IPCEF1: variants seen among roughly 807,000 people sequenced by gnomAD.
IPCEF1 encodes the protein interactor protein for cytohesin exchange factors 1.
In IPCEF1, 31 loss-of-function variants were observed where a neutral mutation model predicts 50.9. The observed-to-expected ratio is 0.61, with a 90% CI of 0.46 to 0.82. The LOEUF (loss-of-function observed/expected upper bound fraction) is 0.82. IPCEF1 is among the 40% of genes least tolerant of loss of function. The probability of loss-of-function intolerance (pLI) is 0.00; values close to 1 mark genes in which losing one functional copy is unlikely to be tolerated. For synonymous variants in IPCEF1, 181 were observed against 192.0 expected, an observed-to-expected ratio of 0.94 and a Z score of 0.47; for missense variants, 458 against 514.0, an observed-to-expected ratio of 0.89 and a Z score of 1.05.
At chr6:154,333,895 C>T (rs1177403151) in intron 1 of IPCEF1, among the ~76,000 whole-genome samples, 1 of 151,954 alleles carries the variant, frequency 6.6e-6, no homozygotes, top group Non-Finnish European at 1.5e-5. Flanking sequence ...TCTCATACAA[C>T]ATGCAAGGGC....
intron 5 of IPCEF1, among the ~76,000 whole-genome samples, chr6:154,226,972 G>A (rs539265265): frequency 5.9e-5 from 9 of 152,258 alleles, no homozygotes; most frequent in Middle Eastern, 3.4e-3. Flanking sequence ...CAAGGTGGGC[G>A]GATCACCTGA....
At chr6:154,282,548 A>G (rs1042611473) in intron 2 of IPCEF1, among the ~76,000 whole-genome samples, 6 of 152,174 alleles carry the variant, frequency 3.9e-5, no homozygotes, top group South Asian at 2.1e-4. Flanking sequence ...TTAGGCGGGC[A>G]CGGTGGCGGG....
At chr6:154,334,301 T>C (rs1295068588) in intron 1 of IPCEF1, among the ~76,000 whole-genome samples, 3 of 152,178 alleles carry the variant, frequency 2.0e-5, no homozygotes, top group African/African-American at 7.2e-5. Context: ...CTGTGAACAG[T>C]TATCACTAAC....
At chr6:154,232,590 A>C (rs911459876) in intron 5 of IPCEF1, among the ~76,000 whole-genome samples, 3 of 152,230 alleles carry the variant, frequency 2.0e-5, no homozygotes, top group Non-Finnish European at 4.4e-5. Context: ...AAGACTGAAG[A>C]AATTCTTCAG....
chr6:154,165,337 G>A (rs1341651446), intron 11 of IPCEF1, among the ~76,000 whole-genome samples: 4 of 152,062 alleles, frequency 2.6e-5, no homozygotes, highest in Non-Finnish European at 5.9e-5. Context: ...TCTCTTGACT[G>A]CTTTGAATTT....
intron 10 of IPCEF1, among the ~76,000 whole-genome samples, chr6:154,177,290 G>T (rs1274336693): frequency 6.6e-6 from 1 of 152,178 alleles, no homozygotes; most frequent in Non-Finnish European, 1.5e-5. Context: ...TGACAAACGG[G>T]ATCTAATTAA....
chr6:154,158,762 T>C lies in IPCEF1; in HGVS notation c.*1066A>G, dbSNP rs1391457588. ...ATACTAAGCACAATATATAATAGTA[T>C]ATCATCTTTTAAACACTAGTAATTT... On this transcript the variant is annotated 3_prime_UTR_variant, in exon 12 of 12. Coordinates refer to ENST00000367220, the MANE Select transcript of IPCEF1 (RefSeq NM_001130700.2). 6.6e-6 allele frequency: 1 copy of C among 152,220 alleles called. No homozygotes were observed. The highest frequency in any genetic ancestry group is 2.4e-5 in the African/African-American group (1 of 41,458). The allele number at this position is 152,220 out of a possible 1,614,324, so 9.4% of individuals were successfully genotyped here. A position where few individuals can be genotyped will look rare whatever the true frequency, so the allele number is the denominator to read the frequency against.
intron 5 of IPCEF1, among the ~76,000 whole-genome samples, chr6:154,225,179 C>A (rs960711400): frequency 6.6e-6 from 1 of 152,118 alleles, no homozygotes; most frequent in Non-Finnish European, 1.5e-5. Flanking sequence ...AATGAATACT[C>A]CCTTTGAGCA....
intron 2 of IPCEF1, 70 bp from the exon 3 acceptor site, chr6:154,266,034 G>T: frequency 2.4e-6 from 2 of 847,804 alleles, no homozygotes; most frequent in Non-Finnish European, 3.9e-6. Flanking sequence ...ATCTCTTTGA[G>T]TGGGGAAAGA....
chr6:154,284,401 T>G (rs1043757816), intron 2 of IPCEF1, among the ~76,000 whole-genome samples: 6 of 152,206 alleles, frequency 3.9e-5, no homozygotes, highest in Non-Finnish European at 8.8e-5. Flanking sequence ...GTACTCTATG[T>G]CTAGTTCTCC....
At chr6:154,324,158 T>C (rs1783462986) in intron 1 of IPCEF1, among the ~76,000 whole-genome samples, 1 of 152,206 alleles carries the variant, frequency 6.6e-6, no homozygotes, top group Non-Finnish European at 1.5e-5. Flanking sequence ...CAGACAACAT[T>C]TCAAACCAGC....
At chr6:154,268,897 C>T (rs1028220831) in intron 2 of IPCEF1, among the ~76,000 whole-genome samples, 3 of 152,160 alleles carry the variant, frequency 2.0e-5, no homozygotes, top group East Asian at 1.9e-4. Context: ...ATCAAGAAAA[C>T]CTTCCCTGAT....
At chr6:154,248,306 CGTGTGT>C (rs58415100) in intron 3 of IPCEF1, among the ~76,000 whole-genome samples, 63 of 147,338 alleles carry the variant, frequency 4.3e-4, no homozygotes, top group Admixed American at 7.6e-4. Context: ...CTTTAAAATA[CGTGTGT>C]GTGTGTGTGT....
chr6:154,190,103 T>C (rs9479786), intron 10 of IPCEF1, among the ~76,000 whole-genome samples: 9,404 of 152,256 alleles, frequency 0.062, 357 homozygotes, highest in African/African-American at 0.085. Flanking sequence ...CCTATACTTA[T>C]ATTGACTCAG....
chr6:154,345,640 G>A (rs1026565932), intron 1 of IPCEF1, among the ~76,000 whole-genome samples: 6 of 151,896 alleles, frequency 4.0e-5, no homozygotes, highest in Admixed American at 3.3e-4. Flanking sequence ...ATCATTTTTT[G>A]GTTGAAAACG....
chr6:154,332,359 C>T (rs1346380049), intron 1 of IPCEF1, among the ~76,000 whole-genome samples: 1 of 147,396 alleles, frequency 6.8e-6, no homozygotes, highest in Non-Finnish European at 1.5e-5. Flanking sequence ...GTCTCAAAGT[C>T]TGCCAGGATT....
chr6:154,165,335 C>T (rs1024251332), intron 11 of IPCEF1, among the ~76,000 whole-genome samples: 6 of 152,304 alleles, frequency 3.9e-5, no homozygotes, highest in African/African-American at 1.4e-4. Context: ...ACTCTCTTGA[C>T]TGCTTTGAAT....
chr6:154,316,127 G>C (rs1364448694), intron 1 of IPCEF1, among the ~76,000 whole-genome samples: 1 of 152,172 alleles, frequency 6.6e-6, no homozygotes, highest in Non-Finnish European at 1.5e-5. Flanking sequence ...CAAAGTGGTG[G>C]AATTATAGGC....
intron 10 of IPCEF1, among the ~76,000 whole-genome samples, chr6:154,190,822 A>G (rs1801808688): frequency 1.3e-5 from 2 of 152,202 alleles, no homozygotes; most frequent in Non-Finnish European, 2.9e-5. Flanking sequence ...AATATTATTC[A>G]ATGATTAAAA....
Sources: allele counts gnomAD v4.1 joint callset (sites outside exome capture counted in the v4.1 genomes callset), GRCh38; gene constraint gnomAD v4.1.1; transcripts MANE v1.5; gene names NCBI Gene and HGNC (gene_info 2026-07-23, HGNC 2026-07-21).